The following TRDMT1 variants were observed in gnomAD, a reference collection of about 807,000 sequenced individuals.
TRDMT1 encodes the protein tRNA aspartic acid methyltransferase 1, also known as tRNA (cytosine(38)-C(5))-methyltransferase.
TRDMT1 carries 49 observed loss-of-function variants against 51.2 expected under a neutral mutation model. That is an observed-to-expected ratio of 0.96 (90% CI 0.76 to 1.21). The LOEUF is 1.21. Ranked by LOEUF, TRDMT1 falls within the 50% of genes most tolerant of loss-of-function variation. The pLI is 0.00. For synonymous variants in TRDMT1, 187 were observed against 164.6 expected (o/e 1.14, Z -1.04); for missense variants, 534 against 462.3 (o/e 1.16, Z -1.42).
At chr10:17,198,185 G>A (rs1845700304) in intron 1 of TRDMT1, among the ~76,000 whole-genome samples, 1 of 152,216 alleles carries the variant, frequency 6.6e-6, no homozygotes, top group Admixed American at 6.5e-5. Flanking sequence ...TATGGAGGTA[G>A]AGGAAACGGA....
chr10:17,180,801 C>A (rs1027256946), intron 1 of TRDMT1, among the ~76,000 whole-genome samples: 2 of 152,108 alleles, frequency 1.3e-5, no homozygotes, highest in Non-Finnish European at 2.9e-5. Context: ...AAACTGAACA[C>A]TAAGCAAATG....
Position 17,157,573 on chromosome 10 carries a change from A to G in TRDMT1, c.755T>C (p.Met252Thr), listed in dbSNP as rs1839706805. 1 of 1,613,936 alleles carries G rather than the reference A, an allele frequency of 6.2e-7. No homozygotes were observed. Among genetic ancestry groups the G allele is most frequent in the Non-Finnish European group, 8.5e-7 (1 of 1,179,962 alleles). ...GTCATCTTCAAGAAAATCTTTTAGCATTTTCACAGAGAGATCACTATCTTG... is the reference window on the plus strand; with the variant it reads ...GTCATCTTCAAGAAAATCTTTTAGCGTTTTCACAGAGAGATCACTATCTTG... Reference protein sequence around the residue: ...NQQDSDLSVKMLKDFLEDDTD... With the variant: ...NQQDSDLSVKTLKDFLEDDTD... The change falls in exon 8 of 11, where the codon ATG becomes ACG. Residue 252 changes from methionine (M) to threonine (T), a missense_variant. Physicochemically the swap from Met to Thr is moderately conservative, Grantham distance 81. Coordinates refer to ENST00000377799, the MANE Select transcript of TRDMT1 (RefSeq NM_004412.7).
At chr10:17,164,367 C>T (rs1317882758) in intron 3 of TRDMT1, among the ~76,000 whole-genome samples, 1 of 152,130 alleles carries the variant, frequency 6.6e-6, no homozygotes, top group African/African-American at 2.4e-5. Flanking sequence ...TGGGACATAT[C>T]TCAAAATAAT....
intron 8 of TRDMT1, among the ~76,000 whole-genome samples, chr10:17,155,156 G>A (rs899059268): frequency 1.3e-5 from 2 of 152,134 alleles, no homozygotes; most frequent in Non-Finnish European, 2.9e-5. Flanking sequence ...GGAGGTTGCA[G>A]TGAGCCAAGA....
At chr10:17,174,119 T>G (rs1426835750) in intron 2 of TRDMT1, among the ~76,000 whole-genome samples, 1 of 152,244 alleles carries the variant, frequency 6.6e-6, no homozygotes, top group Non-Finnish European at 1.5e-5. Flanking sequence ...ATACTTGTGC[T>G]GAAGTCACCA....
chr10:17,168,291 AG>A (rs1841483312), intron 3 of TRDMT1, among the ~76,000 whole-genome samples: 1 of 152,216 alleles, frequency 6.6e-6, no homozygotes, highest in African/African-American at 2.4e-5. Flanking sequence ...TGACAGAGCA[AG>A]ACCCTGTCCC....
chr10:17,182,032 T>C (rs1367574036), intron 1 of TRDMT1, among the ~76,000 whole-genome samples: 1 of 152,154 alleles, frequency 6.6e-6, no homozygotes. Context: ...CCAGACCGGT[T>C]TCAGGATGGG....
intron 10 of TRDMT1, chr10:17,150,194 T>C (rs991218139): frequency 5.9e-6 from 1 of 170,116 alleles, no homozygotes; most frequent in African/African-American, 2.4e-5. Context: ...TATGAAGTAA[T>C]ATCACATTGT....
chr10:17,156,259 G>C (rs1041636295), intron 8 of TRDMT1, among the ~76,000 whole-genome samples: 9 of 150,678 alleles, frequency 6.0e-5, no homozygotes, highest in Non-Finnish European at 1.2e-4. Context: ...TTTTGAGACA[G>C]AGTCTCACTC....
chr10:17,183,790 T>C (rs1588644339), intron 1 of TRDMT1, among the ~76,000 whole-genome samples: 2 of 152,206 alleles, frequency 1.3e-5, no homozygotes, highest in Non-Finnish European at 2.9e-5. Flanking sequence ...AAGAATTCAA[T>C]GCTGCTCTTG....
Position 17,157,522 on chromosome 10 carries a change from G to A in TRDMT1, c.806C>T (p.Pro269Leu). The change falls in exon 8 of 11, where the codon CCA (proline) becomes CTA (leucine). Residue 269 changes from proline to leucine, a missense_variant. Transcript: ENST00000377799. The stretch of plus-strand genomic sequence containing the variant: ...AGCATATCGCAGCAATGACTTTGGT[G>A]GTAAAAGATACTGGTTCACGTCAGT... ...DDTDVNQYLLPPKSLLRYALL... is the reference protein window; with the variant it reads ...DDTDVNQYLLLPKSLLRYALL... The A allele has an allele frequency of 6.2e-7, 1 of 1,613,988 alleles. No homozygotes were observed.
intron 1 of TRDMT1, among the ~76,000 whole-genome samples, chr10:17,179,053 G>A (rs1379299069): frequency 1.3e-5 from 2 of 152,014 alleles, no homozygotes; most frequent in Admixed American, 6.6e-5. Context: ...TAAAAAAAAA[G>A]GAGCACAGTG....
At chr10:17,190,199 A>G (rs893635671) in intron 1 of TRDMT1, among the ~76,000 whole-genome samples, 8 of 152,182 alleles carry the variant, frequency 5.3e-5, no homozygotes, top group African/African-American at 1.4e-4. Context: ...GCTGGTTGGC[A>G]CTATTCCTGG....
intron 1 of TRDMT1, among the ~76,000 whole-genome samples, chr10:17,199,291 AG>A (rs1273410302): frequency 6.6e-6 from 1 of 152,190 alleles, no homozygotes; most frequent in African/African-American, 2.4e-5. Flanking sequence ...AGAGAGGTAC[AG>A]GGAGGCAGGA....
chr10:17,164,885 G>C (rs941586780), intron 3 of TRDMT1, among the ~76,000 whole-genome samples: 1 of 152,110 alleles, frequency 6.6e-6, no homozygotes, highest in African/African-American at 2.4e-5. Flanking sequence ...CAAACAAATG[G>C]AAGAACATTC....
At chr10:17,153,229 G>A in intron 10 of TRDMT1, 1 of 471,604 alleles carries the variant, frequency 2.1e-6, no homozygotes, top group South Asian at 5.1e-5. Flanking sequence ...ACAGCCATCT[G>A]TGGAAAGAGG....
At chr10:17,201,224 G>GGTC in intron 1 of TRDMT1, 6 of 250,002 alleles carry the variant, frequency 2.4e-5, no homozygotes, top group South Asian at 7.5e-5. Flanking sequence ...GCTTCTCGGT[G>GGTC]GCTGCACACT....
chr10:17,148,738 C>G lies in TRDMT1; in HGVS notation c.*302G>C. ...AGATACTCATGTAGACACTAAAGCT[C>G]TAGTGCTCCTTGATTTGTTTATAAA... On this transcript the variant is annotated 3_prime_UTR_variant, in exon 11 of 11. Transcript: ENST00000377799. 9.8e-7 allele frequency: 1 copy of G among 1,019,956 alleles called. No homozygotes were observed. The highest frequency in any genetic ancestry group is 1.7e-5 in the African/African-American group (1 of 58,100). The allele number at this position is 1,019,956 out of a possible 1,614,324, so 63.2% of individuals were successfully genotyped here. A position where few individuals can be genotyped will look rare whatever the true frequency, so the allele number is the denominator to read the frequency against.
At chr10:17,177,690 G>A (rs983692175) in intron 1 of TRDMT1, among the ~76,000 whole-genome samples, 2 of 144,666 alleles carry the variant, frequency 1.4e-5, no homozygotes, top group African/African-American at 2.6e-5. Flanking sequence ...CTTTCAATAT[G>A]CTTCTTACAA....
Sources: allele counts gnomAD v4.1 joint callset (sites outside exome capture counted in the v4.1 genomes callset), GRCh38; gene constraint gnomAD v4.1.1; transcripts MANE v1.5; gene names NCBI Gene and HGNC (gene_info 2026-07-23, HGNC 2026-07-21).